Variants in BIRC2 observed in about 807,000 individuals in gnomAD.
The protein encoded by BIRC2 is baculoviral IAP repeat containing 2, also known as baculoviral IAP repeat-containing protein 2.
Under a neutral mutation model 60.9 loss-of-function variants are expected in BIRC2, and 18 were observed. That is an observed-to-expected ratio of 0.30 (90% confidence interval 0.20 to 0.44). BIRC2 has a LOEUF of 0.44. Among genes scored for constraint, BIRC2 ranks in the 20% least tolerant of loss-of-function variants. BIRC2 has a pLI of 1.00. For missense variants in BIRC2, 701 were observed against 728.5 expected, an observed-to-expected ratio of 0.96 and a Z score of 0.43; for synonymous variants, 282 against 247.7, an observed-to-expected ratio of 1.14 and a Z score of -1.30.
chr11:102,369,166 A>AT (rs931200277), intron 6 of BIRC2, among the ~76,000 whole-genome samples: 50 of 147,280 alleles, frequency 3.4e-4, no homozygotes, highest in Non-Finnish European at 4.4e-4. Context: ...TCTTTTTTCT[A>AT]TTTTTTTTTA....
chr11:102,371,600 TTCA>T (rs1257582026), intron 6 of BIRC2, among the ~76,000 whole-genome samples: 2 of 148,360 alleles, frequency 1.3e-5, no homozygotes, highest in African/African-American at 2.5e-5. Flanking sequence ...TGCATCAATG[TTCA>T]TCAAGGATAT....
At chr11:102,363,556 A>AGAGT (rs1363886876) in intron 4 of BIRC2, 112 bp from the exon 5 acceptor site, 31 of 662,192 alleles carry the variant, frequency 4.7e-5, no homozygotes, top group Non-Finnish European at 7.6e-5. Flanking sequence ...TAAATCACTC[A>AGAGT]GTTCTCAAAA....
At chr11:102,377,801 C>T (rs757646945) in intron 7 of BIRC2, 51 bp downstream of exon 7, 21 of 1,593,476 alleles carry the variant, frequency 1.3e-5, no homozygotes, top group Non-Finnish European at 1.6e-5. Context: ...TGGCCAGATG[C>T]GGTGGCTCAG....
intron 5 of BIRC2, among the ~76,000 whole-genome samples, chr11:102,364,079 A>AT (rs1341090082): frequency 6.8e-6 from 1 of 146,188 alleles, no homozygotes; most frequent in Non-Finnish European, 1.5e-5. Flanking sequence ...GAAAGTATGT[A>AT]TTTTTTAAAA....
intron 3 of BIRC2, among the ~76,000 whole-genome samples, chr11:102,360,784 G>GTTTTTTTTTTTTTTT (rs200030086): frequency 1.5e-5 from 2 of 129,332 alleles, no homozygotes; most frequent in African/African-American, 2.9e-5. Flanking sequence ...TGTTTTTTTT[G>GTTTTTTTTTTTTTTT]TTTTTTTTTT....
In BIRC2 at chr11:102,349,103, A is replaced by T. The variant is rs1951323086; in HGVS notation, c.-752A>T. ...CAGGAAATGGAAACAAATACAAATG[A>T]TATTTAACAAAGATAGAGTTTACAG... is the stretch of plus-strand genomic sequence containing the variant. On this transcript the variant is annotated 5_prime_UTR_variant, in exon 2 of 9. Coordinates refer to ENST00000227758, the MANE Select transcript of BIRC2 (RefSeq NM_001166.5). The T allele has an allele frequency of 1.3e-5, 2 of 152,598 alleles. No homozygotes were observed. Among genetic ancestry groups the T allele is most frequent in the Admixed American group, 6.5e-5 (1 of 15,288 alleles). The allele number at this position is 152,598 out of a possible 1,614,324, so 9.5% of individuals were successfully genotyped here.
At position 102,356,195 on chromosome 11, in the gene BIRC2, C is replaced by CTT. The variant is rs540599539; in HGVS notation, c.995+5269_995+5270dup. ...CTCATGTTAGTGGAAAAGCTGAAAG[C>CTT]TTTTTTTTTTTTTTTTTTGAGATGG... On this transcript the variant is annotated intron_variant, in intron 3 of 8. Transcript: ENST00000227758. Among the ~76,000 whole-genome samples, 161 of 126,926 alleles carry CTT rather than the reference C, an allele frequency of 1.3e-3. 1 individual carries two copies. The highest frequency in any genetic ancestry group is 2.0e-3 in the African/African-American group (68 of 34,154). 83.3% of individuals were successfully genotyped at this position (126,926 alleles called of 152,430 possible).
chr11:102,357,646 G>A (rs1667857842), intron 3 of BIRC2, among the ~76,000 whole-genome samples: 1 of 151,956 alleles, frequency 6.6e-6, no homozygotes, highest in South Asian at 2.1e-4. Context: ...AACATCTCTT[G>A]GTTTTGATTT....
chr11:102,375,134 G>A (rs528894335), intron 6 of BIRC2, among the ~76,000 whole-genome samples: 21 of 152,300 alleles, frequency 1.4e-4, no homozygotes, highest in African/African-American at 3.9e-4. Flanking sequence ...CTTGTGCGTC[G>A]CTCACGCTGG....
At chr11:102,355,458 G>A (rs987355641) in intron 3 of BIRC2, among the ~76,000 whole-genome samples, 13 of 152,074 alleles carry the variant, frequency 8.5e-5, no homozygotes, top group Non-Finnish European at 1.9e-4. Flanking sequence ...TCTCTGTTCT[G>A]TTGGTGTATG....
Position 102,349,615 on chromosome 11 carries a change from C to T in BIRC2, c.-240C>T, listed in dbSNP as rs1157978873. The T allele has an allele frequency of 2.5e-6, 1 of 395,772 alleles. No individual in the cohort carries two copies. The highest frequency in any genetic ancestry group is 4.5e-6 in the Non-Finnish European group (1 of 221,824). 24.5% of individuals were successfully genotyped at this position (395,772 alleles called of 1,614,324 possible). On this transcript the variant is annotated 5_prime_UTR_variant, in exon 2 of 9. Transcript: ENST00000227758. ...ATTACTCAAGATTATGAACAAATAG[C>T]ACTTAGGTTACCTGAAAGAGTTACT...
At chr11:102,364,170 T>TAC (rs1397633610) in intron 5 of BIRC2, among the ~76,000 whole-genome samples, 1 of 88,686 alleles carries the variant, frequency 1.1e-5, no homozygotes, top group East Asian at 2.8e-4. Flanking sequence ...TATATATATA[T>TAC]ATATACACAC....
At position 102,368,467 on chromosome 11, in the gene BIRC2, G is replaced by A. The variant is rs1951578981; in HGVS notation, c.1285G>A (p.Asp429Asn). The change falls in exon 6 of 9, where the codon GAT (aspartate) becomes AAT (asparagine). Residue 429 changes from aspartate to asparagine, a missense_variant. Physicochemically the swap from Asp to Asn is conservative, Grantham distance 23. Coordinates refer to ENST00000227758, the MANE Select transcript of BIRC2 (RefSeq NM_001166.5). Reference protein sequence around the residue: ...TTGENYKTVNDIVSALLNAED... With the variant: ...TTGENYKTVNNIVSALLNAED... ...TGGAGAGAACTATAAAACAGTTAAT[G>A]ATATTGTGTCAGCACTTCTTAATGC... The A allele has an allele frequency of 6.2e-7, 1 of 1,613,798 alleles. No individual in the cohort carries two copies. Among genetic ancestry groups the A allele is most frequent in the South Asian group, 1.1e-5 (1 of 91,064 alleles).
rs895685230 is a variant in BIRC2 at position 102,367,491 on chromosome 11, G to A, written c.1124-815G>A. Among the ~76,000 whole-genome samples, 6 of 152,246 alleles carry A rather than the reference G, an allele frequency of 3.9e-5. No individual in the cohort carries two copies. In the East Asian group the frequency reaches 1.2e-3, roughly 29 times the overall value. On this transcript the variant is annotated intron_variant, in intron 5 of 8. Transcript: ENST00000227758. Reference sequence around the variant, plus strand: ...GGATTCCACGCGTGTTTGAACAAGAGGGGACATTGTTGACGTTGTATATTT... The same window carrying A: ...GGATTCCACGCGTGTTTGAACAAGAAGGGACATTGTTGACGTTGTATATTT...
Position 102,362,000 on chromosome 11 carries a change from C to A in BIRC2, c.996-896C>A, listed in dbSNP as rs919670486. Reference sequence around the variant, plus strand: ...TGCTGATGTCACTCTTGCAAACTTTCAGTCTGCGGCTTTTCATTTCTTTAA... The same window carrying A: ...TGCTGATGTCACTCTTGCAAACTTTAAGTCTGCGGCTTTTCATTTCTTTAA... On this transcript the variant is annotated intron_variant, in intron 3 of 8. Transcript: ENST00000227758. Among the ~76,000 whole-genome samples the A allele has an allele frequency of 3.3e-5, 5 of 152,154 alleles. 1 individual carries two copies. Among genetic ancestry groups the A allele is most frequent in the African/African-American group, 1.2e-4 (5 of 41,442 alleles).
chr11:102,374,826 G>A (rs1951687754), intron 6 of BIRC2, among the ~76,000 whole-genome samples: 1 of 152,228 alleles, frequency 6.6e-6, no homozygotes, highest in Non-Finnish European at 1.5e-5. Flanking sequence ...GAGACTCCGT[G>A]GGCGTAGGAC....
At chr11:102,353,610 G>T (rs1457328750) in intron 3 of BIRC2, among the ~76,000 whole-genome samples, 1 of 150,950 alleles carries the variant, frequency 6.6e-6, no homozygotes, top group Non-Finnish European at 1.5e-5. Flanking sequence ...GAGCCACTGA[G>T]CCCAGCCCAC....
chr11:102,376,294 G>GAT (rs539996975), intron 6 of BIRC2, among the ~76,000 whole-genome samples: 2 of 152,218 alleles, frequency 1.3e-5, no homozygotes, highest in Non-Finnish European at 2.9e-5. Flanking sequence ...AAAGCCAGGA[G>GAT]ATAGCTCTTG....
Position 102,363,720 on chromosome 11 carries a change from T to A in BIRC2, c.1123+4T>A. On this transcript the variant is annotated splice_donor_region_variant and intron_variant, in intron 5 of 8. Coordinates refer to ENST00000227758, the MANE Select transcript of BIRC2 (RefSeq NM_001166.5). ...GAAGAAAATGCTGACCCACCAAGTA[T>A]GTATGAGATAATTTTAAGTATAGAG... The A allele has an allele frequency of 6.2e-7, 1 of 1,607,136 alleles. No individual in the cohort carries two copies. Among genetic ancestry groups the A allele is most frequent in the South Asian group, 1.1e-5 (1 of 90,640 alleles).
Sources: gnomAD v4.1 joint callset for allele counts (sites outside exome capture counted in the v4.1 genomes callset) on GRCh38, gnomAD v4.1.1 for gene constraint, MANE v1.5 for transcripts, NCBI Gene and HGNC (gene_info 2026-07-23, HGNC 2026-07-21) for gene names.